Variants in CNTNAP4 observed in about 807,000 individuals in gnomAD.
CNTNAP4 encodes the protein contactin associated protein family member 4.
In CNTNAP4, 98 loss-of-function variants were observed where a neutral mutation model predicts 148.4. The ratio of observed to expected loss-of-function variants is 0.66; its 90% CI spans 0.56 to 0.78. CNTNAP4 has a LOEUF of 0.78. Among genes scored for constraint, CNTNAP4 ranks in the 30% least tolerant of loss-of-function variants. The pLI is 0.00. For synonymous variants in CNTNAP4, 730 were observed against 565.1 expected (o/e 1.29, Z -4.14); for missense variants, 1,935 against 1,565.6 (o/e 1.24, Z -3.98).
At chr16:76,449,062 G>C (rs2080357578) in intron 6 of CNTNAP4, 111 bp downstream of exon 6, 1 of 1,017,482 alleles carries the variant, frequency 9.8e-7, no homozygotes, top group South Asian at 1.5e-5. Flanking sequence ...TCATAGAACA[G>C]GTGAAGCATT....
chr16:76,489,027 A>G (rs184687459), intron 12 of CNTNAP4, among the ~76,000 whole-genome samples: 1 of 152,316 alleles, frequency 6.6e-6, no homozygotes, highest in African/African-American at 2.4e-5. Flanking sequence ...AACTGTCCAG[A>G]TCACATGATA....
At chr16:76,470,292 T>C (rs2081317060) in intron 10 of CNTNAP4, among the ~76,000 whole-genome samples, 1 of 151,824 alleles carries the variant, frequency 6.6e-6, no homozygotes, top group African/African-American at 2.4e-5. Context: ...TAGTATTTAA[T>C]CCATGCGTAA....
At chr16:76,409,524 G>A (rs1374494068) in intron 3 of CNTNAP4, among the ~76,000 whole-genome samples, 1 of 151,866 alleles carries the variant, frequency 6.6e-6, no homozygotes, top group Non-Finnish European at 1.5e-5. Flanking sequence ...TTGCTGCATG[G>A]TACTATAATT....
chr16:76,453,610 C>A (rs1330635746), intron 8 of CNTNAP4, among the ~76,000 whole-genome samples: 1 of 151,922 alleles, frequency 6.6e-6, no homozygotes, highest in Non-Finnish European at 1.5e-5. Context: ...CTTAAAGATT[C>A]CATTGTACTA....
intron 2 of CNTNAP4, among the ~76,000 whole-genome samples, chr16:76,344,206 A>G (rs905854303): frequency 6.6e-6 from 1 of 152,012 alleles, no homozygotes; most frequent in Admixed American, 6.6e-5. Flanking sequence ...ACACATATAT[A>G]TATATATATT....
At chr16:76,305,562 C>T (rs374832189) in intron 1 of CNTNAP4, among the ~76,000 whole-genome samples, 1 of 152,084 alleles carries the variant, frequency 6.6e-6, no homozygotes, top group East Asian at 1.9e-4. Flanking sequence ...CTTAATTTAG[C>T]TATTACTGAG....
At chr16:76,464,404 C>A (rs142568753) in intron 9 of CNTNAP4, among the ~76,000 whole-genome samples, 1 of 152,130 alleles carries the variant, frequency 6.6e-6, no homozygotes, top group Non-Finnish European at 1.5e-5. Context: ...TTTAGCTGAA[C>A]GACCTTCATC....
At chr16:76,431,668 G>T (rs1442928382) in intron 4 of CNTNAP4, among the ~76,000 whole-genome samples, 4 of 152,152 alleles carry the variant, frequency 2.6e-5, no homozygotes, top group Non-Finnish European at 5.9e-5. Context: ...AGCAGAGTGA[G>T]ACTCTGTCTC....
chr16:76,348,528 A>G (rs1225313345), intron 2 of CNTNAP4, among the ~76,000 whole-genome samples: 1 of 152,200 alleles, frequency 6.6e-6, no homozygotes. Flanking sequence ...AGAAGAAACC[A>G]GCAATGAGAG....
intron 21 of CNTNAP4, among the ~76,000 whole-genome samples, chr16:76,548,305 T>C (rs1168073205): frequency 6.7e-6 from 1 of 149,070 alleles, no homozygotes; most frequent in South Asian, 2.2e-4. Context: ...CTTTTTTTTT[T>C]TTTTTTTTTT....
At chr16:76,386,210 A>C (rs2016501548) in intron 3 of CNTNAP4, among the ~76,000 whole-genome samples, 1 of 152,180 alleles carries the variant, frequency 6.6e-6, no homozygotes, top group Non-Finnish European at 1.5e-5. Context: ...ATGAGAAAGA[A>C]CTGTAATTTA....
chr16:76,311,866 C>G (rs560603802), intron 1 of CNTNAP4, among the ~76,000 whole-genome samples: 4 of 152,216 alleles, frequency 2.6e-5, no homozygotes, highest in South Asian at 2.1e-4. Flanking sequence ...AGTAAAGGGA[C>G]CAGGATGATG....
chr16:76,322,498 C>G (rs6564316), intron 2 of CNTNAP4, among the ~76,000 whole-genome samples: 9 of 152,138 alleles, frequency 5.9e-5, no homozygotes, highest in African/African-American at 1.9e-4. Context: ...GGAATTAATT[C>G]ACTATTCTTG....
chr16:76,368,531 A>T (rs1440211786), intron 3 of CNTNAP4, among the ~76,000 whole-genome samples: 1 of 152,190 alleles, frequency 6.6e-6, no homozygotes, highest in Non-Finnish European at 1.5e-5. Context: ...AGGGACATGG[A>T]TGAAGCTGGA....
intron 3 of CNTNAP4, among the ~76,000 whole-genome samples, chr16:76,380,015 G>A (rs1296042547): frequency 6.6e-6 from 1 of 152,152 alleles, no homozygotes; most frequent in East Asian, 1.9e-4. Flanking sequence ...AAATCTTGAT[G>A]TAGGATGTCA....
In CNTNAP4 at chr16:76,452,664, A is replaced by G; in HGVS notation, c.1228A>G (p.Ser410Gly). Reference protein sequence around the residue: ...TWNKAGLLLFSELQLISGGIL... With the variant: ...TWNKAGLLLFGELQLISGGIL... ...GAATAAGGCAGGGCTTCTGCTGTTC[A>G]GTGAACTTCAGCTGATTTCAGGGGG... is the stretch of plus-strand genomic sequence containing the variant. Residue 410 changes from serine (S) to glycine (G), a missense_variant, in exon 8 of 24, where the codon AGT becomes GGT. By Grantham distance (56) the Ser-to-Gly change is moderately conservative (BLOSUM62 0). Coordinates refer to ENST00000611870, the MANE Select transcript of CNTNAP4 (RefSeq NM_033401.5). 1.2e-6 allele frequency: 2 copies of G among 1,613,878 alleles called. No individual in the cohort carries two copies. The highest frequency in any genetic ancestry group is 2.2e-5 in the South Asian group (2 of 91,046).
At chr16:76,340,078 T>C (rs1434594409) in intron 2 of CNTNAP4, among the ~76,000 whole-genome samples, 1 of 152,184 alleles carries the variant, frequency 6.6e-6, no homozygotes, top group Non-Finnish European at 1.5e-5. Flanking sequence ...GGCTCCACTG[T>C]CAGATTGGGC....
intron 3 of CNTNAP4, among the ~76,000 whole-genome samples, chr16:76,406,010 G>A (rs886843296): frequency 3.9e-5 from 6 of 152,046 alleles, no homozygotes. Context: ...GAGCTCAGGA[G>A]TTTGAGACCA....
chr16:76,294,986 G>A (rs1284260644), intron 1 of CNTNAP4, among the ~76,000 whole-genome samples: 8 of 152,108 alleles, frequency 5.3e-5, no homozygotes, highest in African/African-American at 1.9e-4. Flanking sequence ...CTTATAGGGG[G>A]GCCGGTGTTC....
Sources: gnomAD v4.1 joint callset for allele counts (sites outside exome capture counted in the v4.1 genomes callset) on GRCh38, gnomAD v4.1.1 for gene constraint, MANE v1.5 for transcripts, NCBI Gene and HGNC (gene_info 2026-07-23, HGNC 2026-07-21) for gene names.